IFNLR1: variants seen among roughly 807,000 people sequenced by gnomAD.
IFNLR1 encodes interferon lambda receptor 1, also known as CRF2-12.
Under a neutral mutation model 52.5 loss-of-function variants are expected in IFNLR1, and 28 were observed. The ratio of observed to expected loss-of-function variants is 0.53; its 90% CI spans 0.40 to 0.73. IFNLR1 has a LOEUF of 0.73. Ranked by LOEUF, IFNLR1 falls within the 30% of genes least tolerant of loss-of-function variation. IFNLR1 has a pLI of 0.00. For missense variants in IFNLR1, 623 were observed against 659.1 expected, an observed-to-expected ratio of 0.95 and a Z score of 0.60; for synonymous variants, 276 against 274.9, an observed-to-expected ratio of 1.00 and a Z score of -0.04.
At position 24,180,837 on chromosome 1, in the gene IFNLR1, G is replaced by C; in HGVS notation, c.76C>G (p.Pro26Ala). 1 of 1,613,640 alleles carries C rather than the reference G, an allele frequency of 6.2e-7. No individual in the cohort carries two copies. The highest frequency in any genetic ancestry group is 8.5e-7 in the Non-Finnish European group (1 of 1,179,840). The change falls in exon 2 of 7, where the codon CCT (proline) becomes GCT (alanine). Residue 26 changes from proline (P) to alanine (A), a missense_variant. Transcript: ENST00000327535. ...GAGAGCAGCGTCACATTCTGGGGAG[G>C]GGCCAGACGGGGCCTCCCTGGGGGA... is the stretch of plus-strand genomic sequence containing the variant. The part of the protein sequence containing the change: ...QAAPGRPRLA[P>A]PQNVTLLSQN...
At chr1:24,178,074 C>G (rs2148601095) in intron 2 of IFNLR1, among the ~76,000 whole-genome samples, 1 of 152,194 alleles carries the variant, frequency 6.6e-6, no homozygotes, top group East Asian at 1.9e-4. Context: ...CACTTGAGGT[C>G]AGGAGTTCGA....
rs888866108 is a variant in IFNLR1 at position 24,155,499 on chromosome 1, G to A, written c.*1631C>T. On this transcript the variant is annotated 3_prime_UTR_variant, in exon 7 of 7. Coordinates refer to ENST00000327535, the MANE Select transcript of IFNLR1 (RefSeq NM_170743.4). ...TGGATCCCTCTAAACAAAACCTCACGTGGAAAGCCACAGTGTGTGAATCAG... is the reference window on the plus strand; with the variant it reads ...TGGATCCCTCTAAACAAAACCTCACATGGAAAGCCACAGTGTGTGAATCAG... The A allele has an allele frequency of 3.9e-5, 6 of 152,194 alleles. No homozygotes were observed. The highest frequency in any genetic ancestry group is 4.1e-4 in the South Asian group (2 of 4,834). The allele number at this position is 152,194 out of a possible 1,614,324, so 9.4% of individuals were successfully genotyped here. A position where few individuals can be genotyped will look rare whatever the true frequency, so the allele number is the denominator to read the frequency against.
chr1:24,156,239 G>T lies in IFNLR1; in HGVS notation c.*891C>A. ...GGGTAGAAGGAAGGAGGTAGACTGG[G>T]GATGAGACAAGCTGAATGTTAAGTG... On this transcript the variant is annotated 3_prime_UTR_variant, in exon 7 of 7. Coordinates refer to ENST00000327535, the MANE Select transcript of IFNLR1 (RefSeq NM_170743.4). 6.6e-6 allele frequency: 1 copy of T among 152,372 alleles called. No homozygotes were observed. 9.4% of individuals were successfully genotyped at this position (152,372 alleles called of 1,614,324 possible).
rs1166742793 is a variant in IFNLR1 at position 24,162,713 on chromosome 1, TTCTTTCTTTCTTTTC to T, written c.368-1044_368-1030del. ...AGAACTCACTTTTCTTTTCTTTTCT[TTCTTTCTTTCTTTTC>T]TTTCTTTCTTTCTTTCTTTCTTTCT... is the stretch of plus-strand genomic sequence containing the variant. On this transcript the variant is annotated intron_variant, in intron 3 of 6. Coordinates refer to ENST00000327535, the MANE Select transcript of IFNLR1 (RefSeq NM_170743.4). Among the ~76,000 whole-genome samples, 24 of 39,926 alleles carry T rather than the reference TTCTTTCTTTCTTTTC, an allele frequency of 6.0e-4. 1 individual carries two copies. The highest frequency in any genetic ancestry group is 1.6e-3 in the African/African-American group (13 of 8,258). The allele number at this position is 39,926 out of a possible 152,430, so 26.2% of individuals were successfully genotyped here. A position where few individuals can be genotyped will look rare whatever the true frequency, so the allele number is the denominator to read the frequency against.
At chr1:24,180,884 G>A (rs371259954) in intron 1 of IFNLR1, 30 bp from the exon 2 acceptor site, 34 of 1,606,688 alleles carry the variant, frequency 2.1e-5, no homozygotes, top group African/African-American at 2.0e-4. Flanking sequence ...CATGAAGCCT[G>A]GAGCTCCTGG....
At chr1:24,168,953 A>G (rs1364876021) in intron 3 of IFNLR1, among the ~76,000 whole-genome samples, 1 of 152,312 alleles carries the variant, frequency 6.6e-6, no homozygotes, top group Middle Eastern at 3.4e-3. Context: ...CATGTTGGCC[A>G]GGGTGGTCTC....
chr1:24,165,952 T>C (rs1186206755), intron 3 of IFNLR1, among the ~76,000 whole-genome samples: 1 of 151,644 alleles, frequency 6.6e-6, no homozygotes, highest in Non-Finnish European at 1.5e-5. Context: ...GTGGAGGGAG[T>C]GTAAAGGCAG....
At chr1:24,161,837 C>G (rs369857792) in intron 3 of IFNLR1, among the ~76,000 whole-genome samples, 153 bp from the exon 4 acceptor site, 1 of 152,184 alleles carries the variant, frequency 6.6e-6, no homozygotes, top group Non-Finnish European at 1.5e-5. Flanking sequence ...TTATTTCAGC[C>G]TTGCACTGAC....
At chr1:24,158,376 C>T (rs987860378) in intron 6 of IFNLR1, among the ~76,000 whole-genome samples, 1 of 152,216 alleles carries the variant, frequency 6.6e-6, no homozygotes, top group African/African-American at 2.4e-5. Context: ...ACATGTCTAC[C>T]CGAGGTTGTC....
At chr1:24,161,451 G>C in intron 4 of IFNLR1, 91 bp downstream of exon 4, 2 of 1,427,938 alleles carry the variant, frequency 1.4e-6, no homozygotes, top group Non-Finnish European at 1.9e-6. Flanking sequence ...TGGAGGAGGG[G>C]TGCAGGAGCA....
At chr1:24,163,648 C>T (rs560534017) in intron 3 of IFNLR1, among the ~76,000 whole-genome samples, 47 of 150,870 alleles carry the variant, frequency 3.1e-4, no homozygotes, top group African/African-American at 9.3e-4. Flanking sequence ...GGCGTGATCT[C>T]GGCTCACCGC....
intron 1 of IFNLR1, among the ~76,000 whole-genome samples, chr1:24,186,338 T>C (rs1644738966): frequency 6.6e-6 from 1 of 152,160 alleles, no homozygotes; most frequent in Non-Finnish European, 1.5e-5. Context: ...ATTCCCTGAA[T>C]TGCTCTGAGC....
At chr1:24,186,284 C>A (rs1010899169) in intron 1 of IFNLR1, among the ~76,000 whole-genome samples, 1 of 152,172 alleles carries the variant, frequency 6.6e-6, no homozygotes, top group Non-Finnish European at 1.5e-5. Flanking sequence ...TTTAGCCCCT[C>A]TTCTCTCTTC....
At chr1:24,166,217 C>T (rs748517358) in intron 3 of IFNLR1, among the ~76,000 whole-genome samples, 1 of 151,964 alleles carries the variant, frequency 6.6e-6, no homozygotes, top group Non-Finnish European at 1.5e-5. Context: ...TTCCTTCCTT[C>T]CTTCCCAACC....
At chr1:24,160,329 A>G (rs1644429107) in intron 4 of IFNLR1, among the ~76,000 whole-genome samples, 1 of 152,254 alleles carries the variant, frequency 6.6e-6, no homozygotes, top group Non-Finnish European at 1.5e-5. Context: ...AAGTGTTCCA[A>G]GTACAAAACA....
intron 3 of IFNLR1, among the ~76,000 whole-genome samples, chr1:24,166,176 C>CCTATCCAT (rs1644517103): frequency 6.7e-6 from 1 of 149,352 alleles, no homozygotes; most frequent in African/African-American, 2.5e-5. Context: ...TCCTTTCCTT[C>CCTATCCAT]CCATCCATCC....
chr1:24,180,597 C>A, intron 2 of IFNLR1, 134 bp downstream of exon 2: 1 of 823,626 alleles, frequency 1.2e-6, no homozygotes, highest in Non-Finnish European at 1.9e-6. Flanking sequence ...ATGCCGGCCA[C>A]ATGCCATCTC....
intron 3 of IFNLR1, among the ~76,000 whole-genome samples, chr1:24,166,713 AT>A (rs1644523916): frequency 7.0e-6 from 1 of 143,482 alleles, no homozygotes; most frequent in African/African-American, 2.5e-5. Flanking sequence ...TACCCAGCGA[AT>A]TTAATTTTTT....
At chr1:24,182,173 C>A (rs1644696872) in intron 1 of IFNLR1, among the ~76,000 whole-genome samples, 2 of 149,084 alleles carry the variant, frequency 1.3e-5, no homozygotes, top group Non-Finnish European at 3.0e-5. Context: ...GCATTCCAGC[C>A]TGGGCAACAG....
Sources: allele counts gnomAD v4.1 joint callset (sites outside exome capture counted in the v4.1 genomes callset), GRCh38; gene constraint gnomAD v4.1.1; transcripts MANE v1.5; gene names NCBI Gene and HGNC (gene_info 2026-07-23, HGNC 2026-07-21).